The following ARIH2 variants were observed in gnomAD, a reference collection of about 807,000 sequenced individuals.
ARIH2 encodes E3 ubiquitin-protein ligase ARIH2.
In ARIH2, 12 loss-of-function variants were observed where a neutral mutation model predicts 79.8. The observed-to-expected ratio is 0.15, with a 90% CI of 0.10 to 0.24. The LOEUF is 0.24. ARIH2 is among the 10% of genes least tolerant of loss of function. The pLI is 1.00. For synonymous variants in ARIH2, 224 were observed against 213.9 expected, an observed-to-expected ratio of 1.05 and a Z score of -0.41; for missense variants, 301 against 618.3, an observed-to-expected ratio of 0.49 and a Z score of 5.44.
chr3:48,944,135 A>G (rs2088771201), intron 3 of ARIH2, among the ~76,000 whole-genome samples: 1 of 152,024 alleles, frequency 6.6e-6, no homozygotes, highest in African/African-American at 2.4e-5. Context: ...CATTAAATGC[A>G]CCCTAAAAGA....
chr3:48,949,611 C>G (rs1373412346), intron 3 of ARIH2, among the ~76,000 whole-genome samples: 4 of 152,158 alleles, frequency 2.6e-5, no homozygotes, highest in African/African-American at 9.7e-5. Flanking sequence ...TCATTAACCA[C>G]TAATGTAATT....
intron 9 of ARIH2, 63 bp downstream of exon 9, chr3:48,973,879 T>C: frequency 7.7e-7 from 1 of 1,290,358 alleles, no homozygotes; most frequent in Non-Finnish European, 1.1e-6. Context: ...GGCCTTGCCT[T>C]GGAGATTTGC....
intron 7 of ARIH2, 28 bp downstream of exon 7, chr3:48,968,683 G>T (rs548611033): frequency 6.3e-7 from 1 of 1,596,230 alleles, no homozygotes; most frequent in African/African-American, 1.3e-5. Context: ...TCTGCCCTCT[G>T]TCTTCCCGGG....
intron 3 of ARIH2, among the ~76,000 whole-genome samples, chr3:48,958,704 A>G (rs6791234): frequency 0.68 from 102,499 of 151,392 alleles, 35,199 homozygotes; most frequent in East Asian, 0.96. Context: ...AGGAGACTCC[A>G]TCTCAAAAAA....
At chr3:48,970,245 A>G (rs914278595) in intron 7 of ARIH2, among the ~76,000 whole-genome samples, 1 of 152,042 alleles carries the variant, frequency 6.6e-6, no homozygotes, top group Non-Finnish European at 1.5e-5. Flanking sequence ...CCAGGCTGGA[A>G]TGCATCGGTG....
At chr3:48,934,507 T>C in intron 3 of ARIH2, 1 of 985,388 alleles carries the variant, frequency 1.0e-6, no homozygotes, top group Non-Finnish European at 1.2e-6. Flanking sequence ...AGTGTTTGTG[T>C]GCTGAGCAGC....
At chr3:48,965,917 C>T (rs1223344198) in intron 5 of ARIH2, among the ~76,000 whole-genome samples, 3 of 151,700 alleles carry the variant, frequency 2.0e-5, no homozygotes, top group Non-Finnish European at 4.4e-5. Flanking sequence ...GCCAAGATCG[C>T]ACCCCTGCAT....
chr3:48,981,546 TATCTATAGAGCTGGGCTAATTTGC>T, intron 13 of ARIH2, 90 bp from the exon 14 acceptor site: 1 of 741,802 alleles, frequency 1.3e-6, no homozygotes, highest in East Asian at 2.8e-5. Context: ...TTCAGGCCTA[TATCTATAGAGCTGGGCTAATTTGC>T]ATGTTGAGGG....
intron 4 of ARIH2, among the ~76,000 whole-genome samples, chr3:48,962,963 G>A (rs1011694975): frequency 2.0e-5 from 3 of 152,100 alleles, no homozygotes; most frequent in Admixed American, 6.6e-5. Flanking sequence ...CCATCTCCAG[G>A]GTTCAAGCAA....
intron 3 of ARIH2, chr3:48,934,871 A>G: frequency 1.0e-6 from 1 of 985,410 alleles, no homozygotes; most frequent in Non-Finnish European, 1.2e-6. Context: ...ATTCAAGGCC[A>G]GCTTTCATTC....
chr3:48,979,116 G>A (rs539473557), intron 11 of ARIH2, among the ~76,000 whole-genome samples: 6 of 152,298 alleles, frequency 3.9e-5, no homozygotes, highest in Admixed American at 6.5e-5. Flanking sequence ...GATGATGTGC[G>A]TTTAAGACAG....
chr3:48,923,900 A>G (rs1489782910), intron 2 of ARIH2, among the ~76,000 whole-genome samples: 7 of 152,218 alleles, frequency 4.6e-5, no homozygotes, highest in Non-Finnish European at 1.5e-5. Flanking sequence ...TTGTAAGGCC[A>G]ACGCAGGAGG....
At chr3:48,978,566 G>A (rs992587874) in intron 11 of ARIH2, among the ~76,000 whole-genome samples, 31 of 147,414 alleles carry the variant, frequency 2.1e-4, no homozygotes, top group Non-Finnish European at 4.0e-4. Flanking sequence ...TGATCCATCC[G>A]CCTTGGCCTC....
In ARIH2 at chr3:48,944,854, G is replaced by A. The variant is rs187028151; in HGVS notation, c.256-16758G>A. On this transcript the variant is annotated intron_variant, in intron 3 of 15. Transcript: ENST00000356401. ...CCCTCCACATCATCCCTTGTCCCCC[G>A]GACCCAAATCCATCTGTCTTGATCT... is the stretch of plus-strand genomic sequence containing the variant. 124 of 302,930 alleles carry A rather than the reference G, an allele frequency of 4.1e-4. 1 individual carries two copies. The highest frequency in any genetic ancestry group is 2.4e-3 in the African/African-American group (110 of 45,246). 18.8% of individuals were successfully genotyped at this position (302,930 alleles called of 1,614,324 possible).
At chr3:48,957,392 T>C (rs1379758191) in intron 3 of ARIH2, among the ~76,000 whole-genome samples, 2 of 152,214 alleles carry the variant, frequency 1.3e-5, no homozygotes, top group African/African-American at 4.8e-5. Context: ...AATCAGCATT[T>C]GTTGAATGGC....
intron 2 of ARIH2, among the ~76,000 whole-genome samples, chr3:48,923,937 C>T (rs865878450): frequency 6.6e-6 from 1 of 152,142 alleles, no homozygotes; most frequent in African/African-American, 2.4e-5. Flanking sequence ...AGTTTGAAAC[C>T]AGCCTGAGCA....
chr3:48,945,052 A>G (rs1434296283), intron 3 of ARIH2: 1 of 1,166,686 alleles, frequency 8.6e-7, no homozygotes, highest in African/African-American at 1.6e-5. Context: ...ATGAAGACCC[A>G]TTCATGTAGC....
intron 3 of ARIH2, among the ~76,000 whole-genome samples, chr3:48,928,630 A>G (rs1200258027): frequency 6.6e-6 from 1 of 152,206 alleles, no homozygotes; most frequent in South Asian, 2.1e-4. Context: ...GCACCTTGGC[A>G]TGATGTCAAC....
chr3:48,973,182 G>T (rs940693177), intron 8 of ARIH2, among the ~76,000 whole-genome samples: 1 of 152,204 alleles, frequency 6.6e-6, no homozygotes, highest in Non-Finnish European at 1.5e-5. Flanking sequence ...AGTGGCCCAC[G>T]CCTGTAATCC....
Sources: gnomAD v4.1 joint callset for allele counts (sites outside exome capture counted in the v4.1 genomes callset) on GRCh38, gnomAD v4.1.1 for gene constraint, MANE v1.5 for transcripts, NCBI Gene and HGNC (gene_info 2026-07-23, HGNC 2026-07-21) for gene names.